The following RFC3 variants were observed in gnomAD, a reference collection of about 807,000 sequenced individuals.
RFC3 encodes A1 38 kDa subunit.
In RFC3, 41 loss-of-function variants were observed where a neutral mutation model predicts 45.1. The observed-to-expected ratio is 0.91, with a 90% CI of 0.71 to 1.18. The LOEUF is 1.18. Ranked by LOEUF, RFC3 falls within the 50% of genes most tolerant of loss-of-function variation. The pLI is 0.00. For synonymous variants in RFC3, 149 were observed against 144.0 expected (o/e 1.03, Z -0.25); for missense variants, 423 against 428.1 (o/e 0.99, Z 0.10).
chr13:33,856,177 C>A (rs2082307829), intron 8 of RFC3, among the ~76,000 whole-genome samples: 1 of 152,116 alleles, frequency 6.6e-6, no homozygotes, highest in African/African-American at 2.4e-5. Flanking sequence ...GTCTCAATGT[C>A]CTTTGCAGCA....
At chr13:33,967,173 A>G (rs545123155), downstream of RFC3, among the ~76,000 whole-genome samples, 5 of 152,272 alleles carry the variant, frequency 3.3e-5, no homozygotes, top group South Asian at 1.0e-3. Context: ...ATTAAAAAAA[A>G]AATTTAAAAA....
chr13:33,844,155 G>C (rs959393303), intron 8 of RFC3, among the ~76,000 whole-genome samples: 21 of 152,272 alleles, frequency 1.4e-4, no homozygotes, highest in African/African-American at 5.1e-4. Context: ...GCAGAATTAG[G>C]GTTCAAGCTC....
intron 8 of RFC3, among the ~76,000 whole-genome samples, chr13:33,860,517 T>TGGACCCCAGACTTCTCTTCCTTC (rs552503583): frequency 1.5e-3 from 234 of 152,334 alleles, no homozygotes; most frequent in African/African-American, 5.4e-3. Flanking sequence ...TCCTGTGACT[T>TGGACCCCAGACTTCTCTTCCTTC]GGACCCCAGA....
chr13:33,948,712 G>A (rs960178729), intron 8 of RFC3, among the ~76,000 whole-genome samples: 2 of 152,224 alleles, frequency 1.3e-5, no homozygotes, highest in South Asian at 2.1e-4. Context: ...TGACCTGGAC[G>A]TGAGACATGG....
chr13:33,832,009 G>T (rs2082109535), intron 7 of RFC3, among the ~76,000 whole-genome samples: 3 of 152,140 alleles, frequency 2.0e-5, no homozygotes, highest in Non-Finnish European at 4.4e-5. Context: ...AGTATTTTTT[G>T]ACACATTTGC....
intron 8 of RFC3, among the ~76,000 whole-genome samples, chr13:33,891,758 C>T (rs1026948824): frequency 6.6e-6 from 1 of 151,994 alleles, no homozygotes; most frequent in Non-Finnish European, 1.5e-5. Context: ...TCTACAATGT[C>T]AAATATATAT....
intron 8 of RFC3, among the ~76,000 whole-genome samples, chr13:33,876,801 A>T (rs78003120): frequency 0.012 from 1,766 of 152,310 alleles, 38 homozygotes; most frequent in African/African-American, 0.04. Context: ...TTCTTCTATG[A>T]ACCTCTATCT....
At chr13:33,871,034 G>T (rs2082404135) in intron 8 of RFC3, among the ~76,000 whole-genome samples, 1 of 152,148 alleles carries the variant, frequency 6.6e-6, no homozygotes, top group African/African-American at 2.4e-5. Context: ...AACTAGTGGA[G>T]CCCTCTGGTA....
intron 8 of RFC3, among the ~76,000 whole-genome samples, chr13:33,903,342 T>TAATG (rs1450342193): frequency 1.3e-5 from 2 of 152,068 alleles, no homozygotes; most frequent in African/African-American, 2.4e-5. Flanking sequence ...CACTCCATTA[T>TAATG]AAGTATTTCC....
chr13:33,859,343 A>G (rs1316473849), intron 8 of RFC3, among the ~76,000 whole-genome samples: 1 of 152,228 alleles, frequency 6.6e-6, no homozygotes, highest in Admixed American at 6.5e-5. Context: ...CCAACCCAAC[A>G]TACTTATAAT....
chr13:33,842,387 T>C (rs932697162), downstream of RFC3, among the ~76,000 whole-genome samples: 2 of 152,188 alleles, frequency 1.3e-5, no homozygotes, highest in African/African-American at 4.8e-5. Flanking sequence ...ACCATCCTAC[T>C]CCATCCCACC....
At position 33,898,482 on chromosome 13, in the gene RFC3, C is replaced by T. The variant is rs116071981; in HGVS notation, c.879+63265C>T. Among the ~76,000 whole-genome samples, 1,400 of 151,538 alleles carry T rather than the reference C, an allele frequency of 9.2e-3. 23 individuals carry two copies. Among genetic ancestry groups the T allele is most frequent in the African/African-American group, 0.032 (1,311 of 41,412 alleles). ...AAATGCAAATGGAAATAAAACATAC[C>T]AAAATCTATGGGATACCGAAAAAGC... On this transcript the variant is annotated intron_variant, in intron 8 of 8. Transcript: ENST00000434425.
At chr13:33,918,422 G>A (rs548639471) in intron 8 of RFC3, among the ~76,000 whole-genome samples, 5 of 152,200 alleles carry the variant, frequency 3.3e-5, no homozygotes, top group East Asian at 1.9e-4. Context: ...CTGGAGTGAG[G>A]TCTCTTGAGC....
At chr13:33,863,674 G>C (rs1354685439) in intron 8 of RFC3, among the ~76,000 whole-genome samples, 1 of 152,190 alleles carries the variant, frequency 6.6e-6, no homozygotes, top group Non-Finnish European at 1.5e-5. Context: ...TCATTCTCTT[G>C]CTTGATACTG....
intron 8 of RFC3, among the ~76,000 whole-genome samples, chr13:33,844,596 C>CT (rs547987692): frequency 4.9e-4 from 75 of 152,226 alleles, no homozygotes; most frequent in Non-Finnish European, 8.4e-4. Flanking sequence ...AATAATATAA[C>CT]TCATTATTTT....
chr13:33,838,872 C>T (rs1333955913), downstream of RFC3, among the ~76,000 whole-genome samples: 3 of 152,008 alleles, frequency 2.0e-5, no homozygotes, highest in Admixed American at 1.3e-4. Flanking sequence ...GTTTTTCTGA[C>T]GTTTTTTCCT....
At chr13:33,958,191 A>G (rs2137853680) in intron 8 of RFC3, among the ~76,000 whole-genome samples, 1 of 152,314 alleles carries the variant, frequency 6.6e-6, no homozygotes, top group South Asian at 2.1e-4. Flanking sequence ...TAAATGCCAG[A>G]GCATGAAGAA....
intron 8 of RFC3, among the ~76,000 whole-genome samples, chr13:33,869,009 C>T (rs1306906352): frequency 3.3e-5 from 5 of 152,150 alleles, no homozygotes; most frequent in Non-Finnish European, 1.5e-5. Context: ...GTGTGGAATC[C>T]AGCAAGGGCA....
intron 8 of RFC3, among the ~76,000 whole-genome samples, chr13:33,932,770 T>A (rs1017340287): frequency 6.6e-6 from 1 of 152,194 alleles, no homozygotes; most frequent in Non-Finnish European, 1.5e-5. Context: ...TTTCTTGAAA[T>A]GTCTGTTTCT....
Sources: gnomAD v4.1 joint callset for allele counts (sites outside exome capture counted in the v4.1 genomes callset) on GRCh38, gnomAD v4.1.1 for gene constraint, MANE v1.5 for transcripts, NCBI Gene and HGNC (gene_info 2026-07-23, HGNC 2026-07-21) for gene names.